Variants in SNTG1 observed in about 807,000 individuals in gnomAD.
SNTG1 encodes the protein syntrophin gamma 1, also known as gamma-1-syntrophin.
Under a neutral mutation model 74.7 loss-of-function variants are expected in SNTG1, and 39 were observed. The ratio of observed to expected loss-of-function variants is 0.52; its 90% confidence interval spans 0.40 to 0.68. SNTG1 has a LOEUF of 0.68. Ranked by LOEUF, SNTG1 falls within the 30% of genes least tolerant of loss-of-function variation. SNTG1 has a pLI of 0.00. For missense variants in SNTG1, 685 were observed against 609.5 expected (o/e 1.12, Z -1.30); for synonymous variants, 254 against 217.1 (o/e 1.17, Z -1.49).
intron 1 of SNTG1, among the ~76,000 whole-genome samples, chr8:50,085,496 T>A (rs1822799904): frequency 6.6e-6 from 1 of 152,216 alleles, no homozygotes; most frequent in African/African-American, 2.4e-5. Flanking sequence ...AGATCAAAGA[T>A]AAGGCTCTAT....
In SNTG1 at chr8:50,751,432, G is replaced by C. The variant is rs1272062546; in HGVS notation, c.1285-569G>C. The stretch of plus-strand genomic sequence containing the variant: ...ATTTTTGTTATTTGGAAAGGCAACA[G>C]ATTTCTGTTACTTTCTGCTTCAGAG... On this transcript the variant is annotated intron_variant, in intron 17 of 18. Coordinates refer to ENST00000642720, the MANE Select transcript of SNTG1 (RefSeq NM_018967.5). 2.6e-5 allele frequency among the ~76,000 whole-genome samples: 4 copies of C among 152,006 alleles called. No homozygotes were observed. In the East Asian group the frequency reaches 7.8e-4, roughly 30 times the overall value.
At chr8:50,200,550 T>C (rs772191618) in intron 2 of SNTG1, among the ~76,000 whole-genome samples, 106 of 152,286 alleles carry the variant, frequency 7.0e-4, no homozygotes, top group Non-Finnish European at 1.0e-3. Context: ...TCTTAAAATC[T>C]GGCCTGTTCC....
At chr8:50,598,760 GC>G (rs1300966308) in intron 13 of SNTG1, among the ~76,000 whole-genome samples, 1 of 151,666 alleles carries the variant, frequency 6.6e-6, no homozygotes, top group East Asian at 1.9e-4. Flanking sequence ...TTTCATCAAT[GC>G]TTTATAGTTT....
In SNTG1 at chr8:50,129,423, C is replaced by A. The variant is rs975585327; in HGVS notation, c.-102-43138C>A. Among the ~76,000 whole-genome samples, 4 of 152,248 alleles carry A rather than the reference C, an allele frequency of 2.6e-5. No individual in the cohort carries two copies. The East Asian group carries it at 7.7e-4, about 29-fold the overall frequency. On this transcript the variant is annotated intron_variant, in intron 1 of 18. Coordinates refer to ENST00000642720, the MANE Select transcript of SNTG1 (RefSeq NM_018967.5). ...CTGAAACTTTTTGGTTTAAAGCCAG[C>A]ACCCTCAGAGGACCCCAAATATAAT... is the stretch of plus-strand genomic sequence containing the variant.
chr8:50,655,287 TC>T (rs2095172920), intron 13 of SNTG1, among the ~76,000 whole-genome samples: 1 of 152,202 alleles, frequency 6.6e-6, no homozygotes, highest in Non-Finnish European at 1.5e-5. Context: ...GTCATAGTTT[TC>T]TTTATGGGAT....
At position 50,151,269 on chromosome 8, in the gene SNTG1, AT is replaced by A. The variant is rs2082059236; in HGVS notation, c.-102-21286del. ...AATTGGTGGTGATATCCCCTTTATC[AT>A]TTTTTATTGGGTTTATTTTATTCTT... On this transcript the variant is annotated intron_variant, in intron 1 of 18. Transcript: ENST00000642720. Among the ~76,000 whole-genome samples, 5 of 152,022 alleles carry A rather than the reference AT, an allele frequency of 3.3e-5. No homozygotes were observed. In the South Asian group the frequency reaches 8.3e-4, roughly 25 times the overall value.
intron 18 of SNTG1, among the ~76,000 whole-genome samples, chr8:50,768,680 CT>C (rs1224597744): frequency 6.6e-6 from 1 of 152,020 alleles, no homozygotes; most frequent in Non-Finnish European, 1.5e-5. Flanking sequence ...ATCCCTTTCC[CT>C]CTCATTTCCA....
At chr8:50,504,247 AAT>A (rs2093987910) in intron 9 of SNTG1, among the ~76,000 whole-genome samples, 1 of 152,154 alleles carries the variant, frequency 6.6e-6, no homozygotes, top group Admixed American at 6.6e-5. Context: ...GTCTAACACT[AAT>A]AGGCATTTAG....
intron 1 of SNTG1, among the ~76,000 whole-genome samples, chr8:50,156,623 G>C (rs1347458257): frequency 6.6e-6 from 1 of 151,880 alleles, no homozygotes; most frequent in Non-Finnish European, 1.5e-5. Flanking sequence ...GTATTTCCTA[G>C]TTGTGCCCAT....
Position 50,089,546 on chromosome 8 carries a change from A to C in SNTG1, c.-102-83015A>C, listed in dbSNP as rs1329262942. Among the ~76,000 whole-genome samples, 26 of 152,264 alleles carry C rather than the reference A, an allele frequency of 1.7e-4. No homozygotes were observed. In the South Asian group the frequency reaches 3.7e-3, roughly 22 times the overall value. On this transcript the variant is annotated intron_variant, in intron 1 of 18. Transcript: ENST00000642720. ...AATATCCAGAATCTACAATGAACTCAAACAAATTTACAAGAAAAAAACAAA... is the reference window on the plus strand; with the variant it reads ...AATATCCAGAATCTACAATGAACTCCAACAAATTTACAAGAAAAAAACAAA...
intron 1 of SNTG1, among the ~76,000 whole-genome samples, chr8:50,085,007 G>T (rs1822751248): frequency 6.6e-6 from 1 of 152,092 alleles, no homozygotes; most frequent in Admixed American, 6.5e-5. Flanking sequence ...AAAACAACAT[G>T]TTTGTAACTA....
At chr8:50,184,268 C>G (rs1165593528) in intron 2 of SNTG1, among the ~76,000 whole-genome samples, 1 of 151,986 alleles carries the variant, frequency 6.6e-6, no homozygotes, top group Non-Finnish European at 1.5e-5. Flanking sequence ...CAGATTCAAG[C>G]AATTCTCCTG....
At chr8:50,523,920 A>G (rs535633437) in intron 9 of SNTG1, among the ~76,000 whole-genome samples, 1 of 152,264 alleles carries the variant, frequency 6.6e-6, no homozygotes, top group Admixed American at 6.5e-5. Flanking sequence ...TTTAAAATCC[A>G]CTTAACCACT....
intron 1 of SNTG1, among the ~76,000 whole-genome samples, chr8:49,987,173 T>C (rs988177316): frequency 3.9e-5 from 6 of 152,204 alleles, no homozygotes; most frequent in Admixed American, 2.0e-4. Flanking sequence ...GGGGGAGTCA[T>C]ATCTAAGCAG....
intron 12 of SNTG1, among the ~76,000 whole-genome samples, chr8:50,579,369 A>G (rs2094595551): frequency 6.6e-6 from 1 of 152,214 alleles, no homozygotes; most frequent in Admixed American, 6.5e-5. Flanking sequence ...TGACAATGCA[A>G]TGGAAAAGAG....
intron 4 of SNTG1, among the ~76,000 whole-genome samples, chr8:50,414,883 T>C (rs2092995395): frequency 6.6e-6 from 1 of 152,076 alleles, no homozygotes; most frequent in African/African-American, 2.4e-5. Context: ...TCGTTGTTCG[T>C]ATGAGGGAAA....
At chr8:49,962,885 G>A (rs137885027) in intron 1 of SNTG1, among the ~76,000 whole-genome samples, 95 of 152,296 alleles carry the variant, frequency 6.2e-4, no homozygotes, top group African/African-American at 1.8e-3. Flanking sequence ...GAGCCACTGC[G>A]CCCAACAAAG....
chr8:50,186,197 T>G (rs2083377448), intron 2 of SNTG1, among the ~76,000 whole-genome samples: 1 of 152,160 alleles, frequency 6.6e-6, no homozygotes, highest in Non-Finnish European at 1.5e-5. Flanking sequence ...TTTTTATGGC[T>G]GCATAGTATT....
intron 18 of SNTG1, 22 bp downstream of exon 18, chr8:50,752,133 C>T (rs2095569004): frequency 7.4e-7 from 1 of 1,352,770 alleles, no homozygotes; most frequent in Non-Finnish European, 1.0e-6. Flanking sequence ...AAATTCATCA[C>T]ATAACACCTC....
Sources: allele counts gnomAD v4.1 joint callset (sites outside exome capture counted in the v4.1 genomes callset), GRCh38; gene constraint gnomAD v4.1.1; transcripts MANE v1.5; gene names NCBI Gene and HGNC (gene_info 2026-07-23, HGNC 2026-07-21).